The following CALCOCO1 variants were observed in gnomAD, a reference collection of about 807,000 sequenced individuals.
CALCOCO1 encodes the protein calcium-binding and coiled-coil domain-containing protein 1.
A neutral mutation model predicts 86.3 loss-of-function variants in CALCOCO1; 44 were observed. The ratio of observed to expected loss-of-function variants is 0.51; its 90% CI spans 0.40 to 0.66. The LOEUF is 0.66. Ranked by LOEUF, CALCOCO1 falls within the 30% of genes least tolerant of loss-of-function variation. The probability of loss-of-function intolerance (pLI) is 0.00; values close to 1 mark genes in which losing one functional copy is unlikely to be tolerated. For missense variants in CALCOCO1, 708 were observed against 851.1 expected (o/e 0.83, Z 2.09); for synonymous variants, 297 against 327.6 (o/e 0.91, Z 1.01).
intron 11 of CALCOCO1, 64 bp downstream of exon 11, chr12:53,714,534 C>T: frequency 8.0e-7 from 1 of 1,254,826 alleles, no homozygotes; most frequent in Non-Finnish European, 1.2e-6. Flanking sequence ...CAGGAATTTA[C>T]AAAGTTTCTA....
intron 2 of CALCOCO1, 134 bp downstream of exon 2, chr12:53,724,953 C>T (rs776743283): frequency 2.7e-5 from 28 of 1,050,300 alleles, no homozygotes; most frequent in Middle Eastern, 3.2e-4. Context: ...ATACAGGCGG[C>T]CTCTGTCATC....
intron 6 of CALCOCO1, among the ~76,000 whole-genome samples, chr12:53,720,192 C>T (rs1344868371): frequency 6.6e-6 from 1 of 152,068 alleles, no homozygotes; most frequent in Non-Finnish European, 1.5e-5. Context: ...TTGGCAGACT[C>T]TTTCTGTAAA....
Position 53,710,929 on chromosome 12 carries a change from G to A in CALCOCO1, c.*1015C>T, listed in dbSNP as rs1370333393. 7.7e-6 allele frequency: 2 copies of A among 259,708 alleles called. No individual in the cohort carries two copies. The highest frequency in any genetic ancestry group is 4.5e-5 in the African/African-American group (2 of 44,438). 16.1% of individuals were successfully genotyped at this position (259,708 alleles called of 1,614,324 possible). On this transcript the variant is annotated 3_prime_UTR_variant, in exon 15 of 15. Transcript: ENST00000550804. ...CATTATCCAAGCCAGACTCCCACTT[G>A]AGACAACCCACTCATGGCCAGCACA...
chr12:53,716,539 A>G, intron 7 of CALCOCO1, 124 bp from the exon 8 acceptor site: 1 of 932,814 alleles, frequency 1.1e-6, no homozygotes, highest in Non-Finnish European at 1.6e-6. Flanking sequence ...TCAAGCCTTC[A>G]GCTATTGCCA....
Position 53,711,916 on chromosome 12 carries a change from G to A in CALCOCO1, c.*28C>T, listed in dbSNP as rs763630016. The A allele has an allele frequency of 2.6e-6, 4 of 1,527,638 alleles. No homozygotes were observed. The highest frequency in any genetic ancestry group is 3.5e-6 in the Non-Finnish European group (4 of 1,137,078). 94.6% of individuals were successfully genotyped at this position (1,527,638 alleles called of 1,614,324 possible). ...TGTGAGTGTGTGTGTGCATGAGTGT[G>A]TATTTGTGCATGTACGAGGGAGTAA... On this transcript the variant is annotated 3_prime_UTR_variant, in exon 15 of 15. Transcript: ENST00000550804.
In CALCOCO1 at chr12:53,715,298, T is replaced by G. The variant is rs775884569; in HGVS notation, c.1288A>C (p.Ser430Arg). ...TTCTCCAATCGAAGTATCTCTGCAC[T>G]CAGCTTCAGGATCTTGTCCTTCTCT... ...EAEKDKILKL[S>R]AEILRLEKAV... Residue 430 changes from serine (S) to arginine (R), a missense_variant, in exon 10 of 15, where the codon AGT becomes CGT. Transcript: ENST00000550804. 1 of 1,614,164 alleles carries G rather than the reference T, an allele frequency of 6.2e-7. No individual in the cohort carries two copies. Among genetic ancestry groups the G allele is most frequent in the Non-Finnish European group, 8.5e-7 (1 of 1,180,030 alleles).
rs752477440 is a variant in CALCOCO1, at chr12:53,715,903, G to T, written c.1150C>A (p.Arg384Ser). The change falls in exon 9 of 15, where the codon CGC becomes AGC. Residue 384 changes from arginine (R) to serine (S), a missense_variant. Arg to Ser is a moderately radical substitution (Grantham distance 110). Transcript: ENST00000550804. ...DRTIAELHRS[R>S]LEVAEVNGRL... ...CCGTTAACTTCAGCCACTTCCAGGC[G>T]GCTGCGGTGTAGTTCGGCTATGGTG... 7 of 1,614,094 alleles carry T rather than the reference G, an allele frequency of 4.3e-6. No individual in the cohort carries two copies. The Admixed American group carries it at 8.3e-5, about 19-fold the overall frequency.
chr12:53,724,649 G>T lies in CALCOCO1; in HGVS notation c.255C>A (p.Phe85Leu). The T allele has an allele frequency of 6.2e-7, 1 of 1,613,074 alleles. No individual in the cohort carries two copies. The highest frequency in any genetic ancestry group is 1.1e-5 in the South Asian group (1 of 90,954). ...DGSPIHTSVQFQASYLPKPGA... is the reference protein window; with the variant it reads ...DGSPIHTSVQLQASYLPKPGA... ...ATTTTCCATCTTCCCTTGTACCTTG[G>T]AACTGGACACTGGTGTGAATGGGGG... The change falls in exon 3 of 15, where the codon TTC (phenylalanine) becomes TTA (leucine). Residue 85 changes from phenylalanine to leucine, a missense_variant. Phe to Leu is a conservative substitution (Grantham distance 22). Coordinates refer to ENST00000550804, the MANE Select transcript of CALCOCO1 (RefSeq NM_020898.3).
chr12:53,720,548 T>C (rs1292841962), intron 6 of CALCOCO1, among the ~76,000 whole-genome samples: 2 of 152,254 alleles, frequency 1.3e-5, no homozygotes, highest in African/African-American at 4.8e-5. Context: ...ACTGCTTTTC[T>C]AACCTATGAC....
chr12:53,720,616 C>T (rs1945842950), intron 6 of CALCOCO1, among the ~76,000 whole-genome samples: 1 of 152,198 alleles, frequency 6.6e-6, no homozygotes, highest in African/African-American at 2.4e-5. Flanking sequence ...CTGAAGAAGC[C>T]TCTCAGACGA....
Position 53,711,881 on chromosome 12 carries a change from T to C in CALCOCO1, c.*63A>G. 2 of 1,379,216 alleles carry C rather than the reference T, an allele frequency of 1.5e-6. No individual in the cohort carries two copies. Among genetic ancestry groups the C allele is most frequent in the Non-Finnish European group, 9.7e-7 (1 of 1,033,350 alleles). 85.4% of individuals were successfully genotyped at this position (1,379,216 alleles called of 1,614,324 possible). A position where few individuals can be genotyped will look rare whatever the true frequency, so the allele number is the denominator to read the frequency against. On this transcript the variant is annotated 3_prime_UTR_variant, in exon 15 of 15. Coordinates refer to ENST00000550804, the MANE Select transcript of CALCOCO1 (RefSeq NM_020898.3). ...AGAAAATGGGCATGAAACCTAAGTG[T>C]ATGCATGTGTGTGAGTGTGTGTGTG...
rs781406266 is a variant in CALCOCO1 at position 53,712,100 on chromosome 12, C to G, written c.1920G>C (p.Leu640=). ...CAGGGCCCCCAGTGCTGGTTTCTGACAGGGTACCCACTGTAAAGCCACTAA... is the reference window on the plus strand; with the variant it reads ...CAGGGCCCCCAGTGCTGGTTTCTGAGAGGGTACCCACTGTAAAGCCACTAA... ...DMASGFTVGT[L]SETSTGGPAT... The change falls in exon 15 of 15, where the codon CTG becomes CTC. Residue 640 remains leucine, a synonymous_variant. Coordinates refer to ENST00000550804, the MANE Select transcript of CALCOCO1 (RefSeq NM_020898.3). 42 of 1,606,188 alleles carry G rather than the reference C, an allele frequency of 2.6e-5. No homozygotes were observed. The East Asian group carries it at 7.8e-4, about 30-fold the overall frequency.
chr12:53,719,636 A>C (rs542373276), intron 7 of CALCOCO1, 103 bp downstream of exon 7: 2 of 779,450 alleles, frequency 2.6e-6, no homozygotes, highest in East Asian at 5.0e-5. Flanking sequence ...GAGTGCACAC[A>C]ATGTCTTCTT....
rs1204858139 is a variant in CALCOCO1 at position 53,709,893 on chromosome 12, A to G, written c.*2051T>C. ...CTCGCCCCAACCTCCCCCAGAAAAT[A>G]AATCACACATGATTTCATTAAATGC... On this transcript the variant is annotated 3_prime_UTR_variant, in exon 15 of 15. Transcript: ENST00000550804. 1.3e-5 allele frequency: 2 copies of G among 152,264 alleles called. No individual in the cohort carries two copies. Among genetic ancestry groups the G allele is most frequent in the South Asian group, 2.1e-4 (1 of 4,824 alleles). 9.4% of individuals were successfully genotyped at this position (152,264 alleles called of 1,614,324 possible).
chr12:53,712,630 C>T (rs910133268), intron 14 of CALCOCO1: 3 of 335,184 alleles, frequency 9.0e-6, no homozygotes, highest in African/African-American at 4.3e-5. Flanking sequence ...GGTTCCCTTC[C>T]CTAAGGGTTA....
intron 9 of CALCOCO1, 140 bp downstream of exon 9, chr12:53,715,653 C>T (rs1456333070): frequency 8.5e-7 from 1 of 1,177,866 alleles, no homozygotes; most frequent in Non-Finnish European, 1.2e-6. Context: ...GTGTACCTCC[C>T]TCAAAGCCCC....
intron 4 of CALCOCO1, 193 bp downstream of exon 4, chr12:53,723,400 C>A: frequency 1.6e-6 from 1 of 623,502 alleles, no homozygotes; most frequent in Non-Finnish European, 2.8e-6. Context: ...TGTGGGTGGT[C>A]TCCTTTCCTG....
chr12:53,726,875 C>G (rs772291966), intron 1 of CALCOCO1, among the ~76,000 whole-genome samples: 1 of 152,108 alleles, frequency 6.6e-6, no homozygotes, highest in African/African-American at 2.4e-5. Flanking sequence ...CAGCTGTAAA[C>G]GTTCTTCATG....
intron 7 of CALCOCO1, among the ~76,000 whole-genome samples, chr12:53,719,492 C>T (rs1365837242): frequency 6.6e-6 from 1 of 152,108 alleles, no homozygotes; most frequent in Non-Finnish European, 1.5e-5. Context: ...TACCACTGCA[C>T]TTCAGCACAG....
Sources: gnomAD v4.1 joint callset for allele counts (sites outside exome capture counted in the v4.1 genomes callset) on GRCh38, gnomAD v4.1.1 for gene constraint, MANE v1.5 for transcripts, NCBI Gene and HGNC (gene_info 2026-07-23, HGNC 2026-07-21) for gene names.